The following MACROD2 variants were observed in gnomAD, a reference collection of about 807,000 sequenced individuals.
MACROD2 encodes mono-ADP ribosylhydrolase 2, also known as ADP-ribose glycohydrolase MACROD2.
Under a neutral mutation model 70.4 loss-of-function variants are expected in MACROD2, and 36 were observed. The ratio of observed to expected loss-of-function variants is 0.51; its 90% CI spans 0.39 to 0.68. The LOEUF is 0.68. Ranked by LOEUF, MACROD2 falls within the 30% of genes least tolerant of loss-of-function variation. The pLI is 0.00. For missense variants in MACROD2, 496 were observed against 538.4 expected (o/e 0.92, Z 0.78); for synonymous variants, 172 against 178.8 (o/e 0.96, Z 0.30).
intron 4 of MACROD2, among the ~76,000 whole-genome samples, chr20:14,614,157 CCTAA>C (rs1983336393): frequency 6.6e-6 from 1 of 152,126 alleles, no homozygotes; most frequent in Non-Finnish European, 1.5e-5. Context: ...TAACTCCACA[CCTAA>C]CTAACTGTGT....
intron 5 of MACROD2, among the ~76,000 whole-genome samples, chr20:15,015,734 G>C (rs192490253): frequency 6.6e-6 from 1 of 152,198 alleles, no homozygotes; most frequent in Admixed American, 6.5e-5. Context: ...AAACAGGTCA[G>C]CCCCTCACTG....
intron 5 of MACROD2, among the ~76,000 whole-genome samples, chr20:14,956,029 T>G (rs1157961791): frequency 1.3e-5 from 2 of 148,604 alleles, no homozygotes; most frequent in Non-Finnish European, 3.0e-5. Context: ...AGCTGTTTTT[T>G]TTTTTTGTAA....
At chr20:15,680,068 A>G (rs1240320527) in intron 8 of MACROD2, among the ~76,000 whole-genome samples, 2 of 152,114 alleles carry the variant, frequency 1.3e-5, no homozygotes, top group East Asian at 3.9e-4. Context: ...ACCCGTGGGG[A>G]CAGTCAAGGT....
intron 13 of MACROD2, among the ~76,000 whole-genome samples, chr20:15,980,019 A>C (rs1310260431): frequency 6.6e-6 from 1 of 152,194 alleles, no homozygotes; most frequent in Non-Finnish European, 1.5e-5. Flanking sequence ...TCACAACACT[A>C]AAGATTTCAC....
rs2075773083 is a variant in MACROD2 at position 15,088,910 on chromosome 20, T to C, written c.419-141030T>C. Among the ~76,000 whole-genome samples, 5 of 152,134 alleles carry C rather than the reference T, an allele frequency of 3.3e-5. No individual in the cohort carries two copies. The South Asian group carries it at 1.0e-3, about 32-fold the overall frequency. On this transcript the variant is annotated intron_variant, in intron 5 of 17. Transcript: ENST00000684519. Reference sequence around the variant, plus strand: ...CTTTTTCTTGTACATATTTCTGTATTTATTAATGACTGTTATTTTACAATG... The same window carrying C: ...CTTTTTCTTGTACATATTTCTGTATCTATTAATGACTGTTATTTTACAATG...
intron 4 of MACROD2, among the ~76,000 whole-genome samples, chr20:14,577,812 G>GAGAAGAGAAGAGAAT: frequency 6.6e-6 from 1 of 151,766 alleles, no homozygotes; most frequent in East Asian, 1.9e-4. Context: ...GAGAAGAGAA[G>GAGAAGAGAAGAGAAT]AGAAGAGAAG....
At chr20:14,675,814 C>T (rs190657624) in intron 4 of MACROD2, among the ~76,000 whole-genome samples, 1 of 151,948 alleles carries the variant, frequency 6.6e-6, no homozygotes, top group East Asian at 1.9e-4. Flanking sequence ...ATCTCATGTG[C>T]AAAGACACAC....
intron 15 of MACROD2, among the ~76,000 whole-genome samples, chr20:16,039,288 G>A (rs1217941924): frequency 1.3e-5 from 2 of 151,876 alleles, no homozygotes; most frequent in Non-Finnish European, 2.9e-5. Context: ...ATTTTAATTT[G>A]CATTCCTTTT....
chr20:15,566,322 G>A (rs556021837), intron 8 of MACROD2, among the ~76,000 whole-genome samples: 9 of 151,826 alleles, frequency 5.9e-5, no homozygotes, highest in Non-Finnish European at 8.8e-5. Context: ...ACCCCCCACC[G>A]TCTCTACTAA....
chr20:15,248,450 G>C (rs1438477216), intron 6 of MACROD2, among the ~76,000 whole-genome samples: 1 of 152,044 alleles, frequency 6.6e-6, no homozygotes, highest in African/African-American at 2.4e-5. Flanking sequence ...AACCCTCTGT[G>C]ACTCCTTTGT....
Position 15,937,466 on chromosome 20 carries a change from T to C in MACROD2, c.839-10T>C. 1.9e-6 allele frequency: 3 copies of C among 1,613,070 alleles called. No homozygotes were observed. Among genetic ancestry groups the C allele is most frequent in the Non-Finnish European group, 2.5e-6 (3 of 1,179,320 alleles). Reference sequence around the variant, plus strand: ...GAACTCTGAGGCAGTGTTTCTTTTCTGCTTTATAGATGGTGTCAACACTGT... The same window carrying C: ...GAACTCTGAGGCAGTGTTTCTTTTCCGCTTTATAGATGGTGTCAACACTGT... On this transcript the variant is annotated splice_polypyrimidine_tract_variant and intron_variant, in intron 11 of 17. Transcript: ENST00000684519.
intron 3 of MACROD2, among the ~76,000 whole-genome samples, chr20:14,465,261 G>T (rs571965814): frequency 6.6e-6 from 1 of 152,198 alleles, no homozygotes; most frequent in East Asian, 1.9e-4. Flanking sequence ...AGTTCTTCTT[G>T]TTGAATTGAT....
At chr20:14,409,590 G>T (rs1004059195) in intron 3 of MACROD2, among the ~76,000 whole-genome samples, 1 of 152,022 alleles carries the variant, frequency 6.6e-6, no homozygotes, top group African/African-American at 2.4e-5. Flanking sequence ...CTACTGGGTT[G>T]CCTTGTATAT....
At chr20:14,303,936 T>C (rs1038578712) in intron 3 of MACROD2, among the ~76,000 whole-genome samples, 7 of 151,916 alleles carry the variant, frequency 4.6e-5, no homozygotes, top group African/African-American at 1.7e-4. Flanking sequence ...ACATCTACAT[T>C]AGTGCCCCCT....
intron 5 of MACROD2, among the ~76,000 whole-genome samples, chr20:15,221,005 A>G (rs924463939): frequency 2.0e-5 from 3 of 152,234 alleles, no homozygotes; most frequent in African/African-American, 7.2e-5. Flanking sequence ...AAGCACATGC[A>G]ACCTCAGCAT....
intron 3 of MACROD2, among the ~76,000 whole-genome samples, chr20:14,252,495 A>G (rs1412158257): frequency 6.6e-6 from 1 of 151,952 alleles, no homozygotes; most frequent in Non-Finnish European, 1.5e-5. Context: ...CCCTACTTTA[A>G]TATTCACATA....
intron 4 of MACROD2, among the ~76,000 whole-genome samples, chr20:14,541,167 G>A (rs1268788346): frequency 1.3e-5 from 2 of 152,130 alleles, no homozygotes; most frequent in African/African-American, 2.4e-5. Flanking sequence ...TATTGTGTTT[G>A]TTCTTTCACT....
chr20:15,867,224 G>C (rs896593233), intron 9 of MACROD2, among the ~76,000 whole-genome samples: 1 of 152,112 alleles, frequency 6.6e-6, no homozygotes, highest in African/African-American at 2.4e-5. Context: ...AGCTCTTAAA[G>C]ATCCTATCTC....
intron 4 of MACROD2, among the ~76,000 whole-genome samples, chr20:14,642,009 C>G (rs541770722): frequency 6.6e-6 from 1 of 152,192 alleles, no homozygotes; most frequent in Non-Finnish European, 1.5e-5. Context: ...GTATCTTCTT[C>G]CAATAGAAGG....
Sources: allele counts gnomAD v4.1 joint callset (sites outside exome capture counted in the v4.1 genomes callset), GRCh38; gene constraint gnomAD v4.1.1; transcripts MANE v1.5; gene names NCBI Gene and HGNC (gene_info 2026-07-23, HGNC 2026-07-21).